TNPO1: variants seen among roughly 807,000 people sequenced by gnomAD.
TNPO1 encodes transportin 1.
A neutral mutation model predicts 119.5 loss-of-function variants in TNPO1; 8 were observed. The observed-to-expected ratio is 0.07, with a 90% confidence interval of 0.04 to 0.12. TNPO1 has a LOEUF of 0.12. Ranked by LOEUF, TNPO1 falls within the 10% of genes least tolerant of loss-of-function variation. The probability of loss-of-function intolerance (pLI) is 1.00; values close to 1 mark genes in which losing one functional copy is unlikely to be tolerated. For missense variants in TNPO1, 576 were observed against 1,089.8 expected (o/e 0.53, Z 6.64); for synonymous variants, 362 against 363.0 (o/e 1.00, Z 0.03).
chr5:72,910,880 G>A lies in TNPO1; in HGVS notation c.*2207G>A, dbSNP rs1055965176. 1.3e-5 allele frequency: 2 copies of A among 151,954 alleles called. No homozygotes were observed. Among genetic ancestry groups the A allele is most frequent in the Non-Finnish European group, 2.9e-5 (2 of 67,966 alleles). The allele number at this position is 151,954 out of a possible 1,614,324, so 9.4% of individuals were successfully genotyped here. On this transcript the variant is annotated 3_prime_UTR_variant, in exon 25 of 25. Transcript: ENST00000337273. ...TTGGCTTTGCAAATTTCAGTCTGTA[G>A]AGCCTGAAATTAAATTATTTTATAG...
chr5:72,848,222 C>A, intron 1 of TNPO1, 163 bp from the exon 2 acceptor site: 2 of 1,257,208 alleles, frequency 1.6e-6, no homozygotes, highest in Non-Finnish European at 2.0e-6. Context: ...GTTTCACTGT[C>A]CGTGACTTCC....
chr5:72,905,565 G>A (rs1750084734), intron 24 of TNPO1, 120 bp downstream of exon 24: 1 of 517,752 alleles, frequency 1.9e-6, no homozygotes, highest in Non-Finnish European at 3.4e-6. Context: ...ATAAAACATA[G>A]CCTCATATCA....
intron 1 of TNPO1, among the ~76,000 whole-genome samples, chr5:72,833,731 C>T (rs959985102): frequency 3.9e-5 from 6 of 152,160 alleles, no homozygotes; most frequent in African/African-American, 1.4e-4. Flanking sequence ...AGATTTCCTT[C>T]CCATCTCACA....
chr5:72,846,566 T>G (rs141042169), intron 1 of TNPO1, among the ~76,000 whole-genome samples: 1,919 of 152,332 alleles, frequency 0.013, 95 homozygotes, highest in Admixed American at 0.096. Context: ...TTGTTTGATT[T>G]ATTATAATAT....
At chr5:72,817,528 A>T (rs184870282) in intron 1 of TNPO1, among the ~76,000 whole-genome samples, 22 of 152,364 alleles carry the variant, frequency 1.4e-4, no homozygotes, top group Non-Finnish European at 2.6e-4. Flanking sequence ...AGGATTGCTT[A>T]GAGTTTAAGT....
chr5:72,848,227 A>T, intron 1 of TNPO1, 158 bp from the exon 2 acceptor site: 1 of 1,254,738 alleles, frequency 8.0e-7, no homozygotes, highest in East Asian at 3.4e-5. Context: ...ACTGTCCGTG[A>T]CTTCCTTCGG....
At position 72,855,222 on chromosome 5, in the gene TNPO1, C is replaced by G. The variant is rs145564857; in HGVS notation, c.206-552C>G. 1.7e-3 allele frequency among the ~76,000 whole-genome samples: 254 copies of G among 151,930 alleles called. 2 individuals carry two copies. The highest frequency in any genetic ancestry group is 5.9e-3 in the African/African-American group (243 of 41,430). On this transcript the variant is annotated intron_variant, in intron 3 of 24. Coordinates refer to ENST00000337273, the MANE Select transcript of TNPO1 (RefSeq NM_002270.4). The stretch of plus-strand genomic sequence containing the variant: ...TGTAGGCCGGTCTGGTCTCGAACTC[C>G]TGGCCTTCCAAAGTGCTGGGATTAC...
chr5:72,856,399 T>A (rs1204139240), intron 4 of TNPO1, among the ~76,000 whole-genome samples: 1 of 152,100 alleles, frequency 6.6e-6, no homozygotes, highest in Non-Finnish European at 1.5e-5. Context: ...GCCTGGCTAA[T>A]TTTTGTACTT....
intron 16 of TNPO1, 55 bp from the exon 17 acceptor site, chr5:72,893,321 CT>C: frequency 6.2e-7 from 1 of 1,604,904 alleles, no homozygotes; most frequent in Non-Finnish European, 8.5e-7. Context: ...TGTATACAGA[CT>C]TTTTAAGTAG....
In TNPO1 at chr5:72,864,138, T is replaced by TA. The variant is rs202045180; in HGVS notation, c.463-1448dup. 4.9e-3 allele frequency among the ~76,000 whole-genome samples: 732 copies of TA among 149,236 alleles called. 4 individuals are homozygous for TA. The highest frequency in any genetic ancestry group is 0.013 in the African/African-American group (537 of 40,748). ...TAGGCTTTCAGAAGTAAAGCTTTTT[T>TA]AAAAAAAAAACCTTAACAATTGAAT... On this transcript the variant is annotated intron_variant, in intron 5 of 24. Coordinates refer to ENST00000337273, the MANE Select transcript of TNPO1 (RefSeq NM_002270.4).
chr5:72,899,228 T>C (rs1342147869), intron 20 of TNPO1, among the ~76,000 whole-genome samples: 1 of 152,224 alleles, frequency 6.6e-6, no homozygotes, highest in African/African-American at 2.4e-5. Context: ...CATATGTCAT[T>C]GCAGTGGACT....
At chr5:72,889,677 C>A in intron 13 of TNPO1, 109 bp from the exon 14 acceptor site, 1 of 1,244,240 alleles carries the variant, frequency 8.0e-7, no homozygotes, top group East Asian at 2.5e-5. Context: ...TGGCTTAGAC[C>A]ATTTTAGGAA....
intron 5 of TNPO1, among the ~76,000 whole-genome samples, chr5:72,864,874 G>T (rs977365781): frequency 1.3e-5 from 2 of 152,054 alleles, no homozygotes; most frequent in African/African-American, 4.8e-5. Context: ...CTCCCAAAGT[G>T]CTGGGATTAC....
intron 13 of TNPO1, among the ~76,000 whole-genome samples, chr5:72,889,441 G>C (rs1748891736): frequency 6.6e-6 from 1 of 151,886 alleles, no homozygotes; most frequent in Admixed American, 6.6e-5. Flanking sequence ...TATAGATTAT[G>C]TTTGAGATCC....
chr5:72,859,470 A>G (rs911639454), intron 4 of TNPO1, among the ~76,000 whole-genome samples: 10 of 152,310 alleles, frequency 6.6e-5, no homozygotes, highest in African/African-American at 2.4e-4. Context: ...AATATATACA[A>G]TATTTAAATA....
In TNPO1 at chr5:72,908,967, A is replaced by G. The variant is rs899564135; in HGVS notation, c.*294A>G. The G allele has an allele frequency of 2.2e-6, 1 of 447,484 alleles. No individual in the cohort carries two copies. Among genetic ancestry groups the G allele is most frequent in the Non-Finnish European group, 4.5e-6 (1 of 223,440 alleles). 27.7% of individuals were successfully genotyped at this position (447,484 alleles called of 1,614,324 possible). The stretch of plus-strand genomic sequence containing the variant: ...GAAGCAAAAAAAAAAAAATCTATTC[A>G]GTCTACTCACAAAACAGTACATTGT... On this transcript the variant is annotated 3_prime_UTR_variant, in exon 25 of 25. Transcript: ENST00000337273.
At chr5:72,884,788 A>T (rs1748503957) in intron 11 of TNPO1, among the ~76,000 whole-genome samples, 1 of 151,968 alleles carries the variant, frequency 6.6e-6, no homozygotes, top group Non-Finnish European at 1.5e-5. Flanking sequence ...CACATCATGC[A>T]TGTAATTCTT....
Position 72,907,909 on chromosome 5 carries a change from C to T in TNPO1, c.*36-800C>T, listed in dbSNP as rs532631188. 3.9e-5 allele frequency among the ~76,000 whole-genome samples: 6 copies of T among 151,914 alleles called. No individual in the cohort carries two copies. The East Asian group carries it at 1.2e-3, about 29-fold the overall frequency. On this transcript the variant is annotated intron_variant, in intron 24 of 24. Coordinates refer to ENST00000337273, the MANE Select transcript of TNPO1 (RefSeq NM_002270.4). ...AAAAAATTAAAAAGAAAAAAATGAGCTGGGCATGGTGGTATGTACCTATGG... is the reference window on the plus strand; with the variant it reads ...AAAAAATTAAAAAGAAAAAAATGAGTTGGGCATGGTGGTATGTACCTATGG...
chr5:72,871,751 G>GA (rs1198702917), intron 6 of TNPO1: 3 of 152,188 alleles, frequency 2.0e-5, no homozygotes, highest in East Asian at 1.9e-4. Flanking sequence ...AGTGACAAAA[G>GA]AAAGAAACTT....
Sources: allele counts gnomAD v4.1 joint callset (sites outside exome capture counted in the v4.1 genomes callset), GRCh38; gene constraint gnomAD v4.1.1; transcripts MANE v1.5; gene names NCBI Gene and HGNC (gene_info 2026-07-23, HGNC 2026-07-21).